SHISA9: variants seen among roughly 807,000 people sequenced by gnomAD.
SHISA9 encodes the protein protein shisa-9.
A neutral mutation model predicts 38.0 loss-of-function variants in SHISA9; 13 were observed. The ratio of observed to expected loss-of-function variants is 0.34; its 90% confidence interval spans 0.22 to 0.54. SHISA9 has a LOEUF of 0.54. SHISA9 is among the 20% of genes least tolerant of loss of function. The pLI is 0.91. For missense variants in SHISA9, 538 were observed against 575.8 expected (o/e 0.93, Z 0.67); for synonymous variants, 275 against 242.0 (o/e 1.14, Z -1.27).
At chr16:13,025,013 G>T (rs2141870551) in intron 2 of SHISA9, among the ~76,000 whole-genome samples, 1 of 152,248 alleles carries the variant, frequency 6.6e-6, no homozygotes, top group South Asian at 2.1e-4. Flanking sequence ...CCTGGACATT[G>T]ATACCAACAT....
the SHISA9 span, among the ~76,000 whole-genome samples, chr16:13,397,139 TAC>T: frequency 7.2e-5 from 11 of 152,250 alleles, 1 homozygote; most frequent in Non-Finnish European, 7.3e-5. Flanking sequence ...ACTGTAAGAA[TAC>T]AGTATATAAT....
chr16:13,092,827 C>A (rs2073788876), intron 2 of SHISA9, among the ~76,000 whole-genome samples: 1 of 152,298 alleles, frequency 6.6e-6, no homozygotes, highest in Admixed American at 6.5e-5. Flanking sequence ...TTGGTCTCCA[C>A]CCACTGTCTG....
chr16:13,002,978 GGGAAGGCC>G (rs1336811349), intron 2 of SHISA9, among the ~76,000 whole-genome samples: 1 of 152,120 alleles, frequency 6.6e-6, no homozygotes, highest in African/African-American at 2.4e-5. Context: ...CATTAGAGAT[GGGAAGGCC>G]ATCAAAAAAA....
chr16:13,059,397 G>A (rs867604740), intron 2 of SHISA9, among the ~76,000 whole-genome samples: 1 of 152,080 alleles, frequency 6.6e-6, no homozygotes, highest in South Asian at 2.1e-4. Context: ...AAAGTGCTGG[G>A]ATTACAGGCG....
chr16:13,250,376 G>C, the SHISA9 span, among the ~76,000 whole-genome samples: 1 of 152,080 alleles, frequency 6.6e-6, no homozygotes, highest in South Asian at 2.1e-4. Context: ...AATTGCATTG[G>C]GGGGAGAGGG....
intron 2 of SHISA9, among the ~76,000 whole-genome samples, chr16:12,999,668 C>G (rs1214604266): frequency 3.9e-5 from 6 of 152,094 alleles, no homozygotes; most frequent in Non-Finnish European, 2.9e-5. Flanking sequence ...GCTGTGTATC[C>G]CTCAAAAGCC....
chr16:13,232,678 G>A (rs57933157), intron 4 of SHISA9, among the ~76,000 whole-genome samples: 20,134 of 152,154 alleles, frequency 0.13, 1,654 homozygotes, highest in Admixed American at 0.27. Flanking sequence ...CAGAAAAATG[G>A]GACAATTCGA....
rs1191653527 is a variant in SHISA9, at chr16:13,140,085, TCTTCCCTTCCCTTCC to T, written c.692-63266_692-63252del. 4.1e-3 allele frequency among the ~76,000 whole-genome samples: 216 copies of T among 52,244 alleles called. 28 individuals carry two copies. The highest frequency in any genetic ancestry group is 9.2e-3 in the African/African-American group (123 of 13,330). 34.3% of individuals were successfully genotyped at this position (52,244 alleles called of 152,430 possible). On this transcript the variant is annotated intron_variant, in intron 2 of 4. Transcript: ENST00000558583. ...TCTCCTCTCTTCTCCTTTCCTCTTC[TCTTCCCTTCCCTTCC>T]CTTCCCTTCCCTTCCCTTCCCTTCC...
the SHISA9 span, among the ~76,000 whole-genome samples, chr16:13,543,266 G>T: frequency 2.6e-5 from 4 of 152,180 alleles, no homozygotes; most frequent in African/African-American, 7.2e-5. Flanking sequence ...GATATAAACT[G>T]TAACAACAGA....
the SHISA9 span, among the ~76,000 whole-genome samples, chr16:13,427,039 C>G: frequency 6.6e-6 from 1 of 152,098 alleles, no homozygotes; most frequent in Non-Finnish European, 1.5e-5. Context: ...TGCTCTGGGA[C>G]CAGGCTAGCA....
the SHISA9 span, among the ~76,000 whole-genome samples, chr16:13,461,224 C>T: frequency 6.6e-6 from 1 of 152,196 alleles, no homozygotes; most frequent in Admixed American, 6.5e-5. Flanking sequence ...CTGGCTGAGG[C>T]ACTGTCCTGG....
At chr16:13,177,036 A>G (rs948422480) in intron 2 of SHISA9, among the ~76,000 whole-genome samples, 1 of 152,158 alleles carries the variant, frequency 6.6e-6, no homozygotes, top group Non-Finnish European at 1.5e-5. Flanking sequence ...GGCTGGGGAA[A>G]GCCTGATTCT....
the SHISA9 span, among the ~76,000 whole-genome samples, chr16:13,556,116 G>A: frequency 6.6e-6 from 1 of 152,152 alleles, no homozygotes; most frequent in Non-Finnish European, 1.5e-5. Context: ...AAATCTCCCT[G>A]AGTTCCTCCT....
At chr16:13,219,228 G>C (rs541657513) in intron 4 of SHISA9, among the ~76,000 whole-genome samples, 3 of 152,182 alleles carry the variant, frequency 2.0e-5, no homozygotes, top group African/African-American at 7.2e-5. Context: ...GTCCTTCCGA[G>C]GCTAACCCAG....
At chr16:13,222,059 C>T (rs1450160337) in intron 4 of SHISA9, among the ~76,000 whole-genome samples, 1 of 152,180 alleles carries the variant, frequency 6.6e-6, no homozygotes, top group African/African-American at 2.4e-5. Context: ...TCTTACATGG[C>T]AGCAGGCAAG....
intron 2 of SHISA9, among the ~76,000 whole-genome samples, chr16:13,167,567 G>A (rs1178929186): frequency 1.3e-5 from 2 of 152,126 alleles, no homozygotes; most frequent in African/African-American, 4.8e-5. Context: ...AGAGGTGATT[G>A]GATGATGGGG....
chr16:13,291,354 A>G, the SHISA9 span, among the ~76,000 whole-genome samples: 1 of 152,210 alleles, frequency 6.6e-6, no homozygotes, highest in Non-Finnish European at 1.5e-5. Flanking sequence ...ACAAAGTTAC[A>G]TTGCTAAGGG....
In SHISA9 at chr16:12,914,046, C is replaced by CT. The variant is rs61679035; in HGVS notation, c.564-2625dup. Among the ~76,000 whole-genome samples the CT allele has an allele frequency of 5.6e-3, 694 of 124,250 alleles. 11 individuals are homozygous for CT. Among genetic ancestry groups the CT allele is most frequent in the African/African-American group, 0.014 (477 of 34,158 alleles). The allele number at this position is 124,250 out of a possible 152,430, so 81.5% of individuals were successfully genotyped here. A position where few individuals can be genotyped will look rare whatever the true frequency, so the allele number is the denominator to read the frequency against. On this transcript the variant is annotated intron_variant, in intron 1 of 4. Coordinates refer to ENST00000558583, the MANE Select transcript of SHISA9 (RefSeq NM_001145204.3). ...ATTTATTTCTTTTTTGTTTGTTTTTCTTTTTTTTTTTTTTTTTGAGATGGA... is the reference window on the plus strand; with the variant it reads ...ATTTATTTCTTTTTTGTTTGTTTTTCTTTTTTTTTTTTTTTTTTGAGATGGA...
At chr16:13,348,485 C>G in the SHISA9 span, among the ~76,000 whole-genome samples, 1 of 151,888 alleles carries the variant, frequency 6.6e-6, no homozygotes, top group Non-Finnish European at 1.5e-5. Context: ...GGTGAGGAAT[C>G]TGAGAGGTAC....
Sources: gnomAD v4.1 joint callset for allele counts (sites outside exome capture counted in the v4.1 genomes callset) on GRCh38, gnomAD v4.1.1 for gene constraint, MANE v1.5 for transcripts, NCBI Gene and HGNC (gene_info 2026-07-23, HGNC 2026-07-21) for gene names.